MGMT: variants seen among roughly 807,000 people sequenced by gnomAD.
MGMT encodes methylated-DNA--protein-cysteine methyltransferase.
In MGMT, 14 loss-of-function variants were observed where a neutral mutation model predicts 15.9. That is an observed-to-expected ratio of 0.88 (90% confidence interval 0.58 to 1.37). The LOEUF (loss-of-function observed/expected upper bound fraction) is 1.37. Ranked by LOEUF, MGMT falls within the 40% of genes most tolerant of loss-of-function variation. MGMT has a pLI of 0.00. For missense variants in MGMT, 282 were observed against 268.1 expected (o/e 1.05, Z -0.36); for synonymous variants, 130 against 118.2 (o/e 1.10, Z -0.65).
At chr10:129,755,824 T>G (rs936002264) in intron 3 of MGMT, among the ~76,000 whole-genome samples, 3 of 152,148 alleles carry the variant, frequency 2.0e-5, no homozygotes, top group Non-Finnish European at 4.4e-5. Flanking sequence ...CGAGGAGAGA[T>G]GGACACCCAG....
intron 1 of MGMT, among the ~76,000 whole-genome samples, chr10:129,489,072 A>C (rs986200144): frequency 6.6e-6 from 1 of 152,114 alleles, no homozygotes; most frequent in Non-Finnish European, 1.5e-5. Flanking sequence ...CTTAAAATTG[A>C]TGAGTCAGCC....
rs1845492642 is a variant in MGMT, at chr10:129,493,709, TG to T, written c.-13+26418del. On this transcript the variant is annotated intron_variant, in intron 1 of 4. Transcript: ENST00000651593. ...TGTGCGCCAGGCCCAGTGTGGGATC[TG>T]GGGGAGGTTGTCAAAGTTGTCTTCT... Among the ~76,000 whole-genome samples, 4 of 152,142 alleles carry T rather than the reference TG, an allele frequency of 2.6e-5. 1 individual carries two copies. The South Asian group carries it at 6.2e-4, about 24-fold the overall frequency.
intron 2 of MGMT, among the ~76,000 whole-genome samples, chr10:129,690,506 A>G (rs2133127370): frequency 6.6e-6 from 1 of 152,326 alleles, no homozygotes; most frequent in Middle Eastern, 3.4e-3. Flanking sequence ...ACCTGTGGAA[A>G]CCACAGGACC....
At chr10:129,545,885 A>G (rs1369507842) in intron 2 of MGMT, among the ~76,000 whole-genome samples, 1 of 152,254 alleles carries the variant, frequency 6.6e-6, no homozygotes, top group Non-Finnish European at 1.5e-5. Context: ...TAATTAGATC[A>G]GCTCCTTGAT....
intron 2 of MGMT, among the ~76,000 whole-genome samples, chr10:129,695,720 A>G (rs1848023247): frequency 6.6e-6 from 1 of 152,218 alleles, no homozygotes; most frequent in Non-Finnish European, 1.5e-5. Flanking sequence ...GGAGAAAGCA[A>G]GCCTGTTCTT....
At chr10:129,546,287 A>C (rs556877653) in intron 2 of MGMT, among the ~76,000 whole-genome samples, 1 of 152,324 alleles carries the variant, frequency 6.6e-6, no homozygotes, top group Non-Finnish European at 1.5e-5. Flanking sequence ...AGATTGGTGA[A>C]TTCCTCAAGA....
chr10:129,592,026 A>G (rs982157811), intron 2 of MGMT, among the ~76,000 whole-genome samples: 6 of 152,254 alleles, frequency 3.9e-5, no homozygotes, highest in Non-Finnish European at 7.3e-5. Flanking sequence ...TCTTTTTAGT[A>G]GACACGGGGA....
At position 129,768,681 on chromosome 10, in the gene MGMT, G is replaced by GC. The variant is rs1848966192; in HGVS notation, c.*1687dup. Among the ~76,000 whole-genome samples the GC allele has an allele frequency of 1.3e-5, 2 of 152,234 alleles. No individual in the cohort carries two copies. The highest frequency in any genetic ancestry group is 4.1e-4 in the South Asian group (2 of 4,830). ...CAAGGCAGCAGCTTGGGGCCTGGTGGCCCGGGTGTGCGAGCCGCGAGTGCT... is the reference window on the plus strand; with the variant it reads ...CAAGGCAGCAGCTTGGGGCCTGGTGGCCCCGGGTGTGCGAGCCGCGAGTGCT... On this transcript the variant is annotated 3_prime_UTR_variant, in exon 5 of 5. Transcript: ENST00000651593.
intron 2 of MGMT, chr10:129,536,955 A>C (rs1380713059): frequency 6.6e-6 from 1 of 152,182 alleles, no homozygotes; most frequent in East Asian, 1.9e-4. Flanking sequence ...CCTTTTCAGC[A>C]TGACTTTAAG....
intron 1 of MGMT, among the ~76,000 whole-genome samples, chr10:129,475,934 A>G (rs957829662): frequency 8.5e-5 from 13 of 152,236 alleles, no homozygotes; most frequent in Non-Finnish European, 5.9e-5. Flanking sequence ...GAAAGCCACA[A>G]TCCATGACCA....
At chr10:129,727,368 T>G (rs1425607531) in intron 3 of MGMT, among the ~76,000 whole-genome samples, 1 of 152,184 alleles carries the variant, frequency 6.6e-6, no homozygotes, top group African/African-American at 2.4e-5. Context: ...AAGTCAGCCC[T>G]GTTGGAAATA....
chr10:129,609,863 G>A (rs1045419646), intron 2 of MGMT, among the ~76,000 whole-genome samples: 2 of 152,192 alleles, frequency 1.3e-5, no homozygotes, highest in Non-Finnish European at 2.9e-5. Context: ...CAATGGTGGA[G>A]GCGTTGGCTG....
At position 129,767,030 on chromosome 10, in the gene MGMT, C is replaced by T; in HGVS notation, c.*33C>T. 1 of 1,539,384 alleles carries T rather than the reference C, an allele frequency of 6.5e-7. No individual in the cohort carries two copies. Among genetic ancestry groups the T allele is most frequent in the Non-Finnish European group, 8.8e-7 (1 of 1,136,884 alleles). On this transcript the variant is annotated 3_prime_UTR_variant, in exon 5 of 5. Coordinates refer to ENST00000651593, the MANE Select transcript of MGMT (RefSeq NM_002412.5). ...CAGTAGGATGGATGTTTGAGCGACA[C>T]ACACGTGTAACACTGCATCGGATGC...
intron 2 of MGMT, among the ~76,000 whole-genome samples, chr10:129,649,003 C>T (rs1847427304): frequency 1.3e-5 from 2 of 152,216 alleles, no homozygotes; most frequent in Non-Finnish European, 1.5e-5. Flanking sequence ...TGCTTGCGAG[C>T]TTTCCATCCT....
chr10:129,696,359 AC>A (rs1177107866), intron 2 of MGMT, among the ~76,000 whole-genome samples: 1 of 152,180 alleles, frequency 6.6e-6, no homozygotes, highest in Non-Finnish European at 1.5e-5. Context: ...AGGAGAACCC[AC>A]CAAGTTCTGT....
chr10:129,569,430 C>T (rs1846392589), intron 2 of MGMT, among the ~76,000 whole-genome samples: 1 of 152,184 alleles, frequency 6.6e-6, no homozygotes, highest in African/African-American at 2.4e-5. Context: ...CACATCATAA[C>T]TAGTTCATTT....
chr10:129,529,865 AT>A (rs1353627657), intron 1 of MGMT, among the ~76,000 whole-genome samples: 1 of 151,416 alleles, frequency 6.6e-6, no homozygotes, highest in African/African-American at 2.4e-5. Flanking sequence ...GGTACTCTTT[AT>A]TTCTTTGTAT....
At chr10:129,555,550 A>G (rs1019877665) in intron 2 of MGMT, among the ~76,000 whole-genome samples, 15 of 151,216 alleles carry the variant, frequency 9.9e-5, no homozygotes, top group African/African-American at 3.4e-4. Flanking sequence ...CTACAAAAAA[A>G]CTTAAAAAAA....
At chr10:129,483,399 T>A (rs899719185) in intron 1 of MGMT, among the ~76,000 whole-genome samples, 7 of 117,690 alleles carry the variant, frequency 5.9e-5, no homozygotes, top group East Asian at 2.5e-4. Context: ...TGAGTACCAT[T>A]TTTTTTACAC....
Sources: gnomAD v4.1 joint callset for allele counts (sites outside exome capture counted in the v4.1 genomes callset) on GRCh38, gnomAD v4.1.1 for gene constraint, MANE v1.5 for transcripts, NCBI Gene and HGNC (gene_info 2026-07-23, HGNC 2026-07-21) for gene names.